Variants in TRPV1 observed in about 807,000 individuals in gnomAD.
The protein encoded by TRPV1 is transient receptor potential cation channel subfamily V member 1.
A neutral mutation model predicts 82.3 loss-of-function variants in TRPV1; 82 were observed. That is an observed-to-expected ratio of 1.00 (90% CI 0.83 to 1.20). The LOEUF (loss-of-function observed/expected upper bound fraction) is 1.20. TRPV1 is among the 50% of genes most tolerant of loss of function. The probability of loss-of-function intolerance (pLI) is 0.00; values close to 1 mark genes in which losing one functional copy is unlikely to be tolerated. For synonymous variants in TRPV1, 515 were observed against 467.7 expected (o/e 1.10, Z -1.30); for missense variants, 1,067 against 1,096.8 (o/e 0.97, Z 0.38).
chr17:3,602,500 AT>A (rs1281032708), intron 2 of TRPV1, among the ~76,000 whole-genome samples: 1 of 152,208 alleles, frequency 6.6e-6, no homozygotes, highest in African/African-American at 2.4e-5. Context: ...ATGTTCTTGC[AT>A]TTATGTAATG....
intron 9 of TRPV1, 175 bp downstream of exon 9, chr17:3,585,593 G>A (rs1302264237): frequency 1.3e-6 from 1 of 746,536 alleles, no homozygotes. Flanking sequence ...CCTGAGGCAG[G>A]GGAGATGGGC....
intron 5 of TRPV1, 36 bp downstream of exon 5, chr17:3,590,928 G>C (rs201556527): frequency 3.0e-5 from 47 of 1,545,494 alleles, no homozygotes; most frequent in Non-Finnish European, 4.0e-5. Context: ...CCGGTGCTGC[G>C]GGCTGAGCCA....
chr17:3,607,146 A>C (rs925284340), intron 2 of TRPV1, among the ~76,000 whole-genome samples: 1 of 152,050 alleles, frequency 6.6e-6, no homozygotes, highest in African/African-American at 2.4e-5. Flanking sequence ...TCAGGAGTTC[A>C]AGACCAGGCC....
intron 16 of TRPV1, among the ~76,000 whole-genome samples, chr17:3,570,019 AGGGGCCAAGCGG>A (rs2074830940): frequency 7.8e-6 from 1 of 127,622 alleles, no homozygotes; most frequent in African/African-American, 3.3e-5. Flanking sequence ...GTCAGGGAGG[AGGGGCCAAGCGG>A]TCAGGAAGGA....
chr17:3,570,715 T>C (rs1454302141), intron 16 of TRPV1, among the ~76,000 whole-genome samples: 1 of 152,156 alleles, frequency 6.6e-6, no homozygotes, highest in Non-Finnish European at 1.5e-5. Context: ...AGGGTTTTTC[T>C]ATTTGTTCTT....
Position 3,566,679 on chromosome 17 carries a change from C to A in TRPV1, c.*136G>T, listed in dbSNP as rs1334946767. The A allele has an allele frequency of 1.8e-6, 2 of 1,101,518 alleles. No homozygotes were observed. The highest frequency in any genetic ancestry group is 2.5e-6 in the Non-Finnish European group (2 of 787,546). 68.2% of individuals were successfully genotyped at this position (1,101,518 alleles called of 1,614,324 possible). A position where few individuals can be genotyped will look rare whatever the true frequency, so the allele number is the denominator to read the frequency against. ...AGAACGCTTCCCACAGCTTGTCCAG[C>A]ACAGATTTGGGAACATGCTGGGCAG... On this transcript the variant is annotated 3_prime_UTR_variant, in exon 17 of 17. Transcript: ENST00000572705.
intron 8 of TRPV1, 118 bp from the exon 9 acceptor site, chr17:3,586,044 C>A: frequency 1.5e-6 from 2 of 1,341,514 alleles, no homozygotes; most frequent in Non-Finnish European, 2.0e-6. Context: ...GCCCACGGAG[C>A]AGGTGAGATG....
At chr17:3,600,556 T>A (rs1429274358) in intron 2 of TRPV1, among the ~76,000 whole-genome samples, 1 of 152,028 alleles carries the variant, frequency 6.6e-6, no homozygotes, top group Non-Finnish European at 1.5e-5. Context: ...ACCACTGTAC[T>A]CCAGCCCGGG....
At position 3,566,696 on chromosome 17, in the gene TRPV1, G is replaced by T; in HGVS notation, c.*119C>A. 7.9e-7 allele frequency: 1 copy of T among 1,272,414 alleles called. No individual in the cohort carries two copies. Among genetic ancestry groups the T allele is most frequent in the Non-Finnish European group, 1.1e-6 (1 of 933,168 alleles). 78.8% of individuals were successfully genotyped at this position (1,272,414 alleles called of 1,614,324 possible). ...TTGTCCAGCACAGATTTGGGAACAT[G>T]CTGGGCAGGCACAGACCAGGCCAGG... is the stretch of plus-strand genomic sequence containing the variant. On this transcript the variant is annotated 3_prime_UTR_variant, in exon 17 of 17. Coordinates refer to ENST00000572705, the MANE Select transcript of TRPV1 (RefSeq NM_080704.4).
chr17:3,576,677 A>ATATATATG lies in TRPV1; in HGVS notation c.1780+448_1780+449insCATATATA, dbSNP rs1555549481. On this transcript the variant is annotated intron_variant, in intron 13 of 16. Transcript: ENST00000572705. The stretch of plus-strand genomic sequence containing the variant: ...AGAAAAAAAAAAAAAAAATATATAT[A>ATATATATG]TATATATATATATGCATAAAAACTA... Among the ~76,000 whole-genome samples, 850 of 95,106 alleles carry ATATATATG rather than the reference A, an allele frequency of 8.9e-3. 13 individuals carry two copies. The highest frequency in any genetic ancestry group is 0.016 in the East Asian group (49 of 3,012). The allele number at this position is 95,106 out of a possible 152,430, so 62.4% of individuals were successfully genotyped here. A position where few individuals can be genotyped will look rare whatever the true frequency, so the allele number is the denominator to read the frequency against.
chr17:3,604,259 C>A (rs1276426907), intron 2 of TRPV1, among the ~76,000 whole-genome samples: 1 of 152,190 alleles, frequency 6.6e-6, no homozygotes, highest in East Asian at 1.9e-4. Context: ...GGGCTGAGGA[C>A]ACCTAGGCAC....
chr17:3,577,465 G>C, intron 12 of TRPV1, 133 bp downstream of exon 12: 1 of 1,239,008 alleles, frequency 8.1e-7, no homozygotes, highest in Non-Finnish European at 1.1e-6. Context: ...TTGATTCTTG[G>C]AAAATAGGCT....
intron 2 of TRPV1, chr17:3,595,674 G>A (rs200353360): frequency 6.6e-6 from 1 of 152,230 alleles, no homozygotes; most frequent in Non-Finnish European, 1.5e-5. Flanking sequence ...CTGTTAGCCG[G>A]AGCCTCCCAT....
At chr17:3,595,134 A>G (rs1567673882) in intron 2 of TRPV1, among the ~76,000 whole-genome samples, 1 of 152,194 alleles carries the variant, frequency 6.6e-6, no homozygotes, top group African/African-American at 2.4e-5. Flanking sequence ...AGGCACCAGA[A>G]GCGAATGAGA....
intron 11 of TRPV1, among the ~76,000 whole-genome samples, chr17:3,579,217 T>C (rs1263383249): frequency 6.6e-6 from 1 of 152,068 alleles, no homozygotes. Flanking sequence ...TTCACAATCA[T>C]GTTAAATAAA....
rs1460167936 is a variant in TRPV1, at chr17:3,581,778, G to A, written c.1477-1251C>T. ...CACGCACCTGTAGTCCCAGCTACTCGGGAGGCTGAGGCAGGAGAATCACTT... is the reference window on the plus strand; with the variant it reads ...CACGCACCTGTAGTCCCAGCTACTCAGGAGGCTGAGGCAGGAGAATCACTT... On this transcript the variant is annotated intron_variant, in intron 10 of 16. Transcript: ENST00000572705. Among the ~76,000 whole-genome samples, 6 of 147,844 alleles carry A rather than the reference G, an allele frequency of 4.1e-5. No individual in the cohort carries two copies. In the South Asian group the frequency reaches 1.3e-3, roughly 33 times the overall value.
At chr17:3,582,189 C>CAAAAAAAAAAA (rs71153376) in intron 10 of TRPV1, among the ~76,000 whole-genome samples, 1 of 25,914 alleles carries the variant, frequency 3.9e-5, no homozygotes, top group African/African-American at 1.2e-4. Context: ...GACTCCATCT[C>CAAAAAAAAAAA]AAAAAAAAAA....
intron 14 of TRPV1, among the ~76,000 whole-genome samples, chr17:3,572,835 T>G (rs565614236): frequency 1.3e-5 from 2 of 151,980 alleles, no homozygotes; most frequent in South Asian, 2.1e-4. Context: ...ATACAAAAAT[T>G]AGCTGGGTGT....
chr17:3,590,272 C>A lies in TRPV1; in HGVS notation c.725G>T (p.Gly242Val), dbSNP rs1374648810. 1 of 1,613,984 alleles carries A rather than the reference C, an allele frequency of 6.2e-7. No individual in the cohort carries two copies. Among genetic ancestry groups the A allele is most frequent in the East Asian group, 2.2e-5 (1 of 44,876 alleles). Residue 242 changes from glycine to valine, a missense_variant, in exon 6 of 17, where the codon GGG becomes GTG. Gly to Val is a moderately radical substitution (Grantham distance 109). Coordinates refer to ENST00000572705, the MANE Select transcript of TRPV1 (RefSeq NM_080704.4). ...AHGDFFKKTK[G>V]RPGFYFGELP... Reference sequence around the variant, plus strand: ...CCTACCGAAGTAGAATCCAGGCCGCCCTTTGGTTTTCTTAAAGAAGTCCCC... The same window carrying A: ...CCTACCGAAGTAGAATCCAGGCCGCACTTTGGTTTTCTTAAAGAAGTCCCC...
Sources: gnomAD v4.1 joint callset for allele counts (sites outside exome capture counted in the v4.1 genomes callset) on GRCh38, gnomAD v4.1.1 for gene constraint, MANE v1.5 for transcripts, NCBI Gene and HGNC (gene_info 2026-07-23, HGNC 2026-07-21) for gene names.